Variants in CNTN4 observed in about 807,000 individuals in gnomAD.
CNTN4 encodes contactin-4.
CNTN4 carries 77 observed loss-of-function variants against 122.5 expected under a neutral mutation model. The observed-to-expected ratio is 0.63, with a 90% CI of 0.52 to 0.76. The LOEUF (loss-of-function observed/expected upper bound fraction) is 0.76, where lower values mean the gene tolerates loss of function less well. Ranked by LOEUF, CNTN4 falls within the 30% of genes least tolerant of loss-of-function variation. CNTN4 has a pLI of 0.00. For synonymous variants in CNTN4, 512 were observed against 447.0 expected (o/e 1.15, Z -1.83); for missense variants, 1,256 against 1,259.1 (o/e 1.00, Z 0.04).
chr3:2,716,913 A>G (rs991355514), intron 4 of CNTN4, among the ~76,000 whole-genome samples: 4 of 152,146 alleles, frequency 2.6e-5, no homozygotes, highest in Non-Finnish European at 5.9e-5. Flanking sequence ...TTCACTTCTC[A>G]TAATATTTTC....
At chr3:2,882,975 G>A in intron 8 of CNTN4, 170 bp from the exon 9 acceptor site, 1 of 574,584 alleles carries the variant, frequency 1.7e-6, no homozygotes, top group Admixed American at 2.5e-5. Flanking sequence ...GCAGTAACTG[G>A]GAGAAGAGCC....
chr3:2,225,537 AAAAC>A (rs765878559), intron 2 of CNTN4, among the ~76,000 whole-genome samples: 18 of 152,086 alleles, frequency 1.2e-4, no homozygotes, highest in Non-Finnish European at 2.1e-4. Context: ...ACAAAAAACA[AAAAC>A]AAACAAACAA....
At chr3:2,773,175 G>C (rs1429444587) in intron 6 of CNTN4, among the ~76,000 whole-genome samples, 1 of 152,032 alleles carries the variant, frequency 6.6e-6, no homozygotes. Flanking sequence ...GAGAAAGCAA[G>C]GGTATACCTG....
chr3:2,555,220 A>G (rs1212115160), intron 3 of CNTN4, among the ~76,000 whole-genome samples: 5 of 152,232 alleles, frequency 3.3e-5, no homozygotes, highest in African/African-American at 4.8e-5. Flanking sequence ...AAAGGTAACC[A>G]GGAAAAATAC....
At chr3:2,963,148 C>A (rs753182345) in intron 13 of CNTN4, among the ~76,000 whole-genome samples, 1 of 152,106 alleles carries the variant, frequency 6.6e-6, no homozygotes, top group Non-Finnish European at 1.5e-5. Context: ...ATTTTCTCAC[C>A]GTTTCTCTAG....
chr3:2,440,996 T>TGG (rs1376196426), intron 3 of CNTN4, among the ~76,000 whole-genome samples: 14 of 150,766 alleles, frequency 9.3e-5, no homozygotes, highest in South Asian at 2.1e-4. Context: ...TATATGTATA[T>TGG]GTGTGTATAT....
chr3:2,350,184 G>C (rs1028337984), intron 3 of CNTN4, among the ~76,000 whole-genome samples: 2 of 152,182 alleles, frequency 1.3e-5, no homozygotes, highest in Non-Finnish European at 2.9e-5. Context: ...TTTAAAAGGA[G>C]AGCCATAGTC....
chr3:2,532,812 T>A (rs1253332943), intron 3 of CNTN4, among the ~76,000 whole-genome samples: 1 of 152,170 alleles, frequency 6.6e-6, no homozygotes, highest in African/African-American at 2.4e-5. Context: ...AAAAGTCATA[T>A]CTTCCCTGAA....
At chr3:2,623,061 G>T (rs1461204802) in intron 4 of CNTN4, among the ~76,000 whole-genome samples, 2 of 152,094 alleles carry the variant, frequency 1.3e-5, no homozygotes, top group Admixed American at 6.6e-5. Flanking sequence ...GTGTTGTGGG[G>T]GCATATTTAC....
At chr3:2,622,979 T>A (rs2149949353) in intron 4 of CNTN4, among the ~76,000 whole-genome samples, 1 of 152,274 alleles carries the variant, frequency 6.6e-6, no homozygotes, top group African/African-American at 2.4e-5. Context: ...CATATACACA[T>A]AATAAAGTAG....
chr3:2,934,561 C>T (rs977563932), intron 13 of CNTN4, among the ~76,000 whole-genome samples: 2 of 152,214 alleles, frequency 1.3e-5, no homozygotes, highest in African/African-American at 4.8e-5. Flanking sequence ...CCCAGAAGGC[C>T]GATGGAATCC....
chr3:2,985,591 C>T (rs1577509441), intron 13 of CNTN4: 2 of 152,506 alleles, frequency 1.3e-5, no homozygotes, highest in East Asian at 3.9e-4. Context: ...CAGCTCGGCT[C>T]CCTTGCCTCC....
chr3:2,557,523 C>T (rs907833931), intron 3 of CNTN4, among the ~76,000 whole-genome samples: 6 of 152,072 alleles, frequency 3.9e-5, no homozygotes, highest in Non-Finnish European at 7.4e-5. Context: ...GTCAGGAGAT[C>T]GAGACCATCC....
intron 13 of CNTN4, among the ~76,000 whole-genome samples, chr3:2,941,705 A>T (rs559885372): frequency 6.6e-6 from 1 of 152,096 alleles, no homozygotes. Context: ...CTCCCTTCCA[A>T]TGTGTTCTCT....
rs577153525 is a variant in CNTN4 at position 2,367,402 on chromosome 3, A to G, written c.-89+28169A>G. On this transcript the variant is annotated intron_variant, in intron 3 of 24. Transcript: ENST00000418658. The stretch of plus-strand genomic sequence containing the variant: ...TTTGGATTATTTACATGAAACGAAA[A>G]ACACAAACCACCCTTGAAAATACGA... Among the ~76,000 whole-genome samples, 3 of 152,366 alleles carry G rather than the reference A, an allele frequency of 2.0e-5. No individual in the cohort carries two copies. In the East Asian group the frequency reaches 5.8e-4, roughly 29 times the overall value.
chr3:2,675,488 C>T (rs959766234), intron 4 of CNTN4, among the ~76,000 whole-genome samples: 10 of 152,138 alleles, frequency 6.6e-5, no homozygotes, highest in South Asian at 6.2e-4. Flanking sequence ...ATTTTGATAG[C>T]GCTTATCACT....
rs1032600758 is a variant in CNTN4, at chr3:2,763,716, C to T, written c.358+18019C>T. ...TCTGCATATGGCTAGCCAGTTATCC[C>T]GGCACCATTTATTGAATAAGGAATC... is the stretch of plus-strand genomic sequence containing the variant. On this transcript the variant is annotated intron_variant, in intron 6 of 24. Coordinates refer to ENST00000418658, the MANE Select transcript of CNTN4 (RefSeq NM_175607.3). Among the ~76,000 whole-genome samples, 27 of 152,108 alleles carry T rather than the reference C, an allele frequency of 1.8e-4. 1 individual carries two copies. The highest frequency in any genetic ancestry group is 3.2e-3 in the Middle Eastern group (1 of 316).
intron 4 of CNTN4, among the ~76,000 whole-genome samples, chr3:2,661,079 T>C (rs2083867944): frequency 6.6e-6 from 1 of 152,214 alleles, no homozygotes; most frequent in Admixed American, 6.5e-5. Flanking sequence ...GTGAAATAAG[T>C]ATCCTCTATA....
chr3:2,945,835 A>AT (rs1468103943), intron 13 of CNTN4, among the ~76,000 whole-genome samples: 2 of 152,230 alleles, frequency 1.3e-5, no homozygotes, highest in East Asian at 3.8e-4. Flanking sequence ...AACCTAAAAA[A>AT]TCAAGGGCTA....
Sources: allele counts gnomAD v4.1 joint callset (sites outside exome capture counted in the v4.1 genomes callset), GRCh38; gene constraint gnomAD v4.1.1; transcripts MANE v1.5; gene names NCBI Gene and HGNC (gene_info 2026-07-23, HGNC 2026-07-21).